EIF4E3: variants seen among roughly 807,000 people sequenced by gnomAD.
EIF4E3 encodes the protein eukaryotic translation initiation factor 4E family member 3.
A neutral mutation model predicts 31.7 loss-of-function variants in EIF4E3; 26 were observed. That is an observed-to-expected ratio of 0.82 (90% CI 0.60 to 1.14). EIF4E3 has a LOEUF of 1.14. Among genes scored for constraint, EIF4E3 ranks in the 50% most tolerant of loss-of-function variants. EIF4E3 has a pLI of 0.00. For missense variants in EIF4E3, 304 were observed against 270.9 expected (o/e 1.12, Z -0.86); for synonymous variants, 128 against 107.7 (o/e 1.19, Z -1.17).
upstream of EIF4E3, chr3:71,729,078 G>C (rs2049674015): frequency 6.6e-6 from 1 of 152,248 alleles, no homozygotes; most frequent in Non-Finnish European, 1.5e-5. Flanking sequence ...AGAAACCTGA[G>C]CACTCATATG....
At position 71,681,749 on chromosome 3, in the gene EIF4E3, C is replaced by G. The variant is rs1361329649; in HGVS notation, c.*2933G>C. 2.0e-5 allele frequency: 3 copies of G among 152,180 alleles called. No homozygotes were observed. The highest frequency in any genetic ancestry group is 7.2e-5 in the African/African-American group (3 of 41,442). The allele number at this position is 152,180 out of a possible 1,614,324, so 9.4% of individuals were successfully genotyped here. A position where few individuals can be genotyped will look rare whatever the true frequency, so the allele number is the denominator to read the frequency against. ...TCAGTTGGTGGATTGTATATTATGT[C>G]TATAGGACCCAATTATACCTAAAGT... On this transcript the variant is annotated 3_prime_UTR_variant, in exon 7 of 7. Transcript: ENST00000425534.
chr3:71,734,047 A>C (rs1340392611), intron 1 of EIF4E3, among the ~76,000 whole-genome samples: 1 of 152,210 alleles, frequency 6.6e-6, no homozygotes, highest in Non-Finnish European at 1.5e-5. Context: ...ACAATACAGA[A>C]AGATCCTGTT....
chr3:71,712,635 T>C (rs1006611467), intron 1 of EIF4E3, among the ~76,000 whole-genome samples: 1 of 59,328 alleles, frequency 1.7e-5, no homozygotes, highest in South Asian at 6.8e-4. Flanking sequence ...TTGCGGGGGG[T>C]GGGCGGGGGA....
chr3:71,722,158 G>C (rs546754220), intron 1 of EIF4E3, among the ~76,000 whole-genome samples: 1 of 152,202 alleles, frequency 6.6e-6, no homozygotes, highest in African/African-American at 2.4e-5. Context: ...CAACTGGAAG[G>C]ATAGACTTGC....
At chr3:71,701,843 C>T (rs1263012953) in intron 2 of EIF4E3, among the ~76,000 whole-genome samples, 1 of 152,220 alleles carries the variant, frequency 6.6e-6, no homozygotes, top group Non-Finnish European at 1.5e-5. Context: ...TCCACTTTGG[C>T]TCCCTTCTAC....
intron 1 of EIF4E3, among the ~76,000 whole-genome samples, chr3:71,741,172 C>CCATGCA (rs1312152232): frequency 2.0e-5 from 3 of 149,306 alleles, no homozygotes; most frequent in Admixed American, 6.7e-5. Context: ...AAAAACACAT[C>CCATGCA]CATGCACATG....
intron 1 of EIF4E3, among the ~76,000 whole-genome samples, chr3:71,737,806 AAC>A (rs1042359260): frequency 4.6e-5 from 7 of 152,116 alleles, no homozygotes; most frequent in African/African-American, 7.2e-5. Flanking sequence ...AAACAACAAC[AAC>A]AGAGATTTTT....
In EIF4E3 at chr3:71,677,786, A is replaced by T. The variant is rs1469552566; in HGVS notation, c.*6896T>A. On this transcript the variant is annotated 3_prime_UTR_variant, in exon 7 of 7. Transcript: ENST00000425534. ...TTGTTTGTTTTTAAAGGAATATATTAGACAGCCAGAAAGGAGGAGTAAATT... is the reference window on the plus strand; with the variant it reads ...TTGTTTGTTTTTAAAGGAATATATTTGACAGCCAGAAAGGAGGAGTAAATT... The T allele has an allele frequency of 6.6e-6, 1 of 152,214 alleles. No individual in the cohort carries two copies. The highest frequency in any genetic ancestry group is 2.1e-4 in the South Asian group (1 of 4,834). 9.4% of individuals were successfully genotyped at this position (152,214 alleles called of 1,614,324 possible).
intron 5 of EIF4E3, among the ~76,000 whole-genome samples, chr3:71,692,514 T>C (rs1049639835): frequency 1.3e-5 from 2 of 152,206 alleles, no homozygotes; most frequent in African/African-American, 4.8e-5. Flanking sequence ...CATTTTTGGC[T>C]GTATATTATC....
chr3:71,708,344 C>T (rs1362045248), intron 2 of EIF4E3, among the ~76,000 whole-genome samples: 1 of 152,134 alleles, frequency 6.6e-6, no homozygotes, highest in African/African-American at 2.4e-5. Flanking sequence ...GGCACGAAGA[C>T]ACTTTCTGGT....
chr3:71,742,717 T>C (rs1482864811), intron 1 of EIF4E3, among the ~76,000 whole-genome samples: 2 of 152,026 alleles, frequency 1.3e-5, no homozygotes, highest in African/African-American at 4.8e-5. Context: ...TGAATATAGA[T>C]GTAAAAATTC....
intron 2 of EIF4E3, among the ~76,000 whole-genome samples, chr3:71,702,791 AG>A (rs994657440): frequency 1.7e-4 from 26 of 151,916 alleles, no homozygotes; most frequent in African/African-American, 5.1e-4. Flanking sequence ...CTCATCCAAT[AG>A]GTAGAATATT....
intron 2 of EIF4E3, among the ~76,000 whole-genome samples, chr3:71,705,472 C>T (rs1002895634): frequency 9.2e-5 from 14 of 152,060 alleles, no homozygotes; most frequent in African/African-American, 2.2e-4. Context: ...TTATGATAAA[C>T]GATGCTGAAT....
At chr3:71,745,570 A>G (rs2049863394) in intron 1 of EIF4E3, among the ~76,000 whole-genome samples, 1 of 152,240 alleles carries the variant, frequency 6.6e-6, no homozygotes, top group Non-Finnish European at 1.5e-5. Context: ...TCGACCAAAT[A>G]AGAGAGAAAG....
intron 1 of EIF4E3, among the ~76,000 whole-genome samples, chr3:71,749,071 A>G (rs1234417007): frequency 1.3e-5 from 2 of 152,274 alleles, no homozygotes; most frequent in African/African-American, 4.8e-5. Context: ...GCAAATATGC[A>G]TAAGTGTAGT....
At chr3:71,750,987 C>T (rs1375261733) in intron 1 of EIF4E3, among the ~76,000 whole-genome samples, 3 of 152,038 alleles carry the variant, frequency 2.0e-5, no homozygotes, top group African/African-American at 7.2e-5. Flanking sequence ...TAGTCTCGAT[C>T]TCCTGACCTC....
Position 71,725,327 on chromosome 3 carries a change from C to A in EIF4E3, c.41G>T (p.Arg14Leu), listed in dbSNP as rs866427044. ...PPAAAPPAGA[R>L]EPPGSRAAAA... ...GGCGGCGCGGGACCCCGGCGGCTCC[C>A]GGGCCCCGGCGGGGGGCGCGGCGGC... The change falls in exon 1 of 7, where the codon CGG becomes CTG. Residue 14 changes from arginine (R) to leucine (L), a missense_variant. Physicochemically the swap from Arg to Leu is moderately radical, Grantham distance 102. Coordinates refer to ENST00000425534, the MANE Select transcript of EIF4E3 (RefSeq NM_001134651.2). This position sits in a 1 kb window ranked among gnomAD's most constrained non-coding sequence, Gnocchi z 6.1. 8 of 969,826 alleles carry A rather than the reference C, an allele frequency of 8.2e-6. No individual in the cohort carries two copies. The highest frequency in any genetic ancestry group is 5.3e-4 in the Middle Eastern group (1 of 1,894). 60.1% of individuals were successfully genotyped at this position (969,826 alleles called of 1,614,324 possible). A position where few individuals can be genotyped will look rare whatever the true frequency, so the allele number is the denominator to read the frequency against.
At chr3:71,752,520 A>C (rs549703336) in intron 1 of EIF4E3, among the ~76,000 whole-genome samples, 50 of 152,254 alleles carry the variant, frequency 3.3e-4, no homozygotes, top group Middle Eastern at 6.8e-3. Flanking sequence ...CCTTGCATGT[A>C]ATCAGTAGGC....
At chr3:71,728,236 A>C (rs1331249426), upstream of EIF4E3, among the ~76,000 whole-genome samples, 3 of 152,250 alleles carry the variant, frequency 2.0e-5, no homozygotes, top group African/African-American at 7.2e-5. Flanking sequence ...ATGGCTAAGG[A>C]GGGAACAATG....
Sources: allele counts gnomAD v4.1 joint callset (sites outside exome capture counted in the v4.1 genomes callset), GRCh38; gene constraint gnomAD v4.1.1; non-coding constraint Gnocchi (gnomAD v3.1); transcripts MANE v1.5; gene names NCBI Gene and HGNC (gene_info 2026-07-23, HGNC 2026-07-21).